The following PARP8 variants were observed in gnomAD, a reference collection of about 807,000 sequenced individuals.
PARP8 encodes protein mono-ADP-ribosyltransferase PARP8.
In PARP8, 51 loss-of-function variants were observed where a neutral mutation model predicts 124.1. The observed-to-expected ratio is 0.41, with a 90% confidence interval of 0.33 to 0.52. The LOEUF is 0.52. Among genes scored for constraint, PARP8 ranks in the 20% least tolerant of loss-of-function variants. The pLI, the probability that PARP8 is intolerant of heterozygous loss-of-function variation, is 0.21. For synonymous variants in PARP8, 391 were observed against 361.5 expected (o/e 1.08, Z -0.93); for missense variants, 860 against 1,018.9 (o/e 0.84, Z 2.12).
chr5:50,765,825 G>A (rs1483633607), intron 7 of PARP8, among the ~76,000 whole-genome samples: 2 of 152,194 alleles, frequency 1.3e-5, no homozygotes, highest in Non-Finnish European at 2.9e-5. Context: ...GGGTAGTTAG[G>A]CAGAAGGTCT....
intron 15 of PARP8, among the ~76,000 whole-genome samples, chr5:50,817,514 A>G (rs1745235793): frequency 6.6e-6 from 1 of 152,188 alleles, no homozygotes. Context: ...TGGGGGCTGC[A>G]AAGACATTCC....
rs113440089 is a variant in PARP8 at position 50,740,952 on chromosome 5, T to C, written c.147-9199T>C. ...CGAAGTTCTTTCTAAATATTTGTAG[T>C]GTTTGTTCCCTTTCCATGACAAAGC... On this transcript the variant is annotated intron_variant, in intron 2 of 25. Transcript: ENST00000281631. Among the ~76,000 whole-genome samples, 194 of 152,344 alleles carry C rather than the reference T, an allele frequency of 1.3e-3. 1 individual carries two copies. The highest frequency in any genetic ancestry group is 0.011 in the South Asian group (51 of 4,830).
At chr5:50,756,124 C>T in intron 3 of PARP8, among the ~76,000 whole-genome samples, 1 of 152,172 alleles carries the variant, frequency 6.6e-6, no homozygotes. Flanking sequence ...ATGTCATCTG[C>T]AAACAGGGAC....
chr5:50,811,463 G>A (rs1418141914), intron 14 of PARP8, among the ~76,000 whole-genome samples: 1 of 151,990 alleles, frequency 6.6e-6, no homozygotes, highest in Non-Finnish European at 1.5e-5. Flanking sequence ...GACAAAGTGT[G>A]TTGATAGAGA....
chr5:50,795,218 C>T lies in PARP8; in HGVS notation c.1229C>T (p.Ser410Phe), dbSNP rs770438609. The stretch of plus-strand genomic sequence containing the variant: ...AAGCCCCATAAACTGTTAAGCAGGT[C>T]TTACTCTAGTAATCTCAGAATGGAA... ...NLKPHKLLSR[S>F]YSSNLRMEEL... is the part of the protein sequence containing the mutation. Residue 410 changes from serine (S) to phenylalanine (F), a missense_variant, in exon 12 of 26, where the codon TCT (serine) becomes TTT (phenylalanine). Ser to Phe is a radical substitution (Grantham distance 155). Around this residue, in one of 2 missense-constraint regions of PARP8, gnomAD observed 517 missense variants for 544.2 expected, o/e 0.95. Transcript: ENST00000281631. 2.5e-6 allele frequency: 4 copies of T among 1,614,070 alleles called. No individual in the cohort carries two copies. Among genetic ancestry groups the T allele is most frequent in the Non-Finnish European group, 3.4e-6 (4 of 1,180,042 alleles).
At chr5:50,683,909 C>T (rs1751566614) in intron 2 of PARP8, among the ~76,000 whole-genome samples, 1 of 152,082 alleles carries the variant, frequency 6.6e-6, no homozygotes, top group Admixed American at 6.5e-5. Context: ...TATCTTAGCA[C>T]TAAAGAAGCA....
chr5:50,835,078 G>A, intron 25 of PARP8, 63 bp downstream of exon 25: 3 of 1,405,044 alleles, frequency 2.1e-6, no homozygotes, highest in South Asian at 1.2e-5. Flanking sequence ...AGTGGTGACT[G>A]AATTATCGTT....
intron 14 of PARP8, among the ~76,000 whole-genome samples, chr5:50,812,517 C>G (rs1175128578): frequency 3.9e-5 from 6 of 152,106 alleles, no homozygotes; most frequent in Non-Finnish European, 8.8e-5. Flanking sequence ...GGGTAGATTG[C>G]AAAAATTTTC....
intron 2 of PARP8, among the ~76,000 whole-genome samples, chr5:50,697,710 T>C (rs1021814329): frequency 9.2e-5 from 14 of 152,156 alleles, no homozygotes; most frequent in African/African-American, 3.4e-4. Context: ...GGGTCTTGCT[T>C]TGTTGTCCAG....
chr5:50,715,377 A>G (rs1755200473), intron 2 of PARP8, among the ~76,000 whole-genome samples: 1 of 152,052 alleles, frequency 6.6e-6, no homozygotes, highest in African/African-American at 2.4e-5. Flanking sequence ...CTATATTTTT[A>G]TAACCGTTCT....
rs1325961834 is a variant in PARP8, at chr5:50,844,719, G to A, written c.*2651G>A. ...ATTTATTTTCATCCTTGAAGTAGGG[G>A]AAGAAAATTATTAATTTATTAGTTC... is the stretch of plus-strand genomic sequence containing the variant. On this transcript the variant is annotated 3_prime_UTR_variant, in exon 26 of 26. Coordinates refer to ENST00000281631, the MANE Select transcript of PARP8 (RefSeq NM_024615.4). The A allele has an allele frequency of 6.6e-6, 1 of 151,734 alleles. No individual in the cohort carries two copies. The highest frequency in any genetic ancestry group is 1.5e-5 in the Non-Finnish European group (1 of 67,772). 9.4% of individuals were successfully genotyped at this position (151,734 alleles called of 1,614,324 possible).
chr5:50,684,345 A>C (rs1238422338), intron 2 of PARP8, among the ~76,000 whole-genome samples: 1 of 152,136 alleles, frequency 6.6e-6, no homozygotes, highest in African/African-American at 2.4e-5. Context: ...TTGCCAAAAA[A>C]TGTGGACATG....
chr5:50,734,078 T>C lies in PARP8; in HGVS notation c.147-16073T>C, dbSNP rs370354278. On this transcript the variant is annotated intron_variant, in intron 2 of 25. Coordinates refer to ENST00000281631, the MANE Select transcript of PARP8 (RefSeq NM_024615.4). ...TTTTGGAAGCATTCAGAAAATCCTATGATTTAATGTTGTTAAATATAAACA... is the reference window on the plus strand; with the variant it reads ...TTTTGGAAGCATTCAGAAAATCCTACGATTTAATGTTGTTAAATATAAACA... 2.0e-5 allele frequency among the ~76,000 whole-genome samples: 3 copies of C among 152,240 alleles called. No homozygotes were observed. The East Asian group carries it at 5.8e-4, about 29-fold the overall frequency.
intron 2 of PARP8, among the ~76,000 whole-genome samples, chr5:50,702,485 T>C (rs1753702113): frequency 6.6e-6 from 1 of 152,186 alleles, no homozygotes; most frequent in South Asian, 2.1e-4. Context: ...GATATGTGAT[T>C]TTCTAGGGCG....
chr5:50,803,978 C>T (rs545713081), intron 14 of PARP8, among the ~76,000 whole-genome samples: 2 of 152,220 alleles, frequency 1.3e-5, no homozygotes, highest in South Asian at 4.1e-4. Flanking sequence ...CCTGCTTGTA[C>T]AGAGTGGTAA....
intron 2 of PARP8, among the ~76,000 whole-genome samples, chr5:50,709,936 A>ATG (rs1261336709): frequency 5.6e-5 from 5 of 89,466 alleles, no homozygotes; most frequent in Non-Finnish European, 1.4e-4. Flanking sequence ...ATATATATAT[A>ATG]TATATATATA....
At chr5:50,777,705 T>C (rs74457281) in intron 7 of PARP8, among the ~76,000 whole-genome samples, 3,463 of 152,262 alleles carry the variant, frequency 0.023, 128 homozygotes, top group African/African-American at 0.079. Context: ...TGTCATCAAC[T>C]CCTTTCTTGT....
intron 25 of PARP8, among the ~76,000 whole-genome samples, chr5:50,835,345 C>A (rs1252745818): frequency 1.3e-5 from 2 of 152,116 alleles, no homozygotes; most frequent in Admixed American, 1.3e-4. Context: ...GAGTTTGAGA[C>A]CAGCCTGGCT....
chr5:50,763,318 A>C, intron 7 of PARP8, 76 bp downstream of exon 7: 2 of 1,208,274 alleles, frequency 1.7e-6, no homozygotes, highest in Non-Finnish European at 2.4e-6. Flanking sequence ...AGTAATTTAA[A>C]GGAAAAATTT....
Sources: gnomAD v4.1 joint callset for allele counts (sites outside exome capture counted in the v4.1 genomes callset) on GRCh38, gnomAD v4.1.1 for gene constraint, gnomAD v4.1.1 regional missense constraint, MANE v1.5 for transcripts, NCBI Gene and HGNC (gene_info 2026-07-23, HGNC 2026-07-21) for gene names.